The following SLC2A13 variants were observed in gnomAD, a reference collection of about 807,000 sequenced individuals.
SLC2A13 encodes the protein proton myo-inositol cotransporter.
Under a neutral mutation model 64.4 loss-of-function variants are expected in SLC2A13, and 32 were observed. The ratio of observed to expected loss-of-function variants is 0.50; its 90% CI spans 0.37 to 0.67. SLC2A13 has a LOEUF of 0.67. Among genes scored for constraint, SLC2A13 ranks in the 30% least tolerant of loss-of-function variants. The pLI, the probability that SLC2A13 is intolerant of heterozygous loss-of-function variation, is 0.00. For missense variants in SLC2A13, 743 were observed against 829.2 expected, an observed-to-expected ratio of 0.90 and a Z score of 1.28; for synonymous variants, 338 against 327.1, an observed-to-expected ratio of 1.03 and a Z score of -0.36.
At chr12:39,984,319 T>TA (rs541235282) in intron 3 of SLC2A13, among the ~76,000 whole-genome samples, 2,386 of 151,482 alleles carry the variant, frequency 0.016, 59 homozygotes, top group African/African-American at 0.053. Context: ...CCCTAAAACT[T>TA]AAAGTATAAT....
chr12:40,063,314 T>TCTTTCACAAGGAGTGAAAGAAA (rs1362399189), intron 1 of SLC2A13, among the ~76,000 whole-genome samples: 4 of 152,166 alleles, frequency 2.6e-5, no homozygotes, highest in South Asian at 4.1e-4. Context: ...AGGACTACTT[T>TCTTTCACAAGGAGTGAAAGAAA]CTTTCACAAG....
intron 6 of SLC2A13, among the ~76,000 whole-genome samples, chr12:39,838,850 G>T (rs1320883661): frequency 1.3e-5 from 2 of 151,988 alleles, no homozygotes; most frequent in Non-Finnish European, 2.9e-5. Flanking sequence ...CGGTCCATTT[G>T]TTTTTAAGTA....
At chr12:39,965,009 T>C (rs1591956942) in intron 3 of SLC2A13, among the ~76,000 whole-genome samples, 2 of 152,194 alleles carry the variant, frequency 1.3e-5, no homozygotes, top group South Asian at 4.1e-4. Flanking sequence ...TGTCTTATTT[T>C]ACAAATTTTC....
intron 7 of SLC2A13, among the ~76,000 whole-genome samples, chr12:39,768,202 C>G (rs1444596200): frequency 6.6e-6 from 1 of 152,096 alleles, no homozygotes; most frequent in Non-Finnish European, 1.5e-5. Context: ...CCTCTCTCAG[C>G]CTTCATAGAA....
At chr12:39,819,953 CTT>C (rs1942444974) in intron 7 of SLC2A13, 1 of 152,374 alleles carries the variant, frequency 6.6e-6, no homozygotes, top group East Asian at 1.9e-4. Flanking sequence ...AGAAAAAACT[CTT>C]TATCTTTGCA....
At chr12:39,817,288 T>C (rs1333687990) in intron 7 of SLC2A13, among the ~76,000 whole-genome samples, 1 of 152,188 alleles carries the variant, frequency 6.6e-6, no homozygotes, top group Non-Finnish European at 1.5e-5. Context: ...CCATGTGGTG[T>C]GCTAGGGTGG....
intron 7 of SLC2A13, among the ~76,000 whole-genome samples, chr12:39,766,588 C>T (rs1940358716): frequency 6.6e-6 from 1 of 151,900 alleles, no homozygotes; most frequent in Non-Finnish European, 1.5e-5. Context: ...CTGACTTTTC[C>T]CTTCACTAAA....
intron 7 of SLC2A13, among the ~76,000 whole-genome samples, chr12:39,771,403 T>C (rs1357247406): frequency 6.6e-6 from 1 of 152,184 alleles, no homozygotes. Context: ...TGCTGTAGGA[T>C]GCCTATGCTG....
At chr12:39,786,155 C>T (rs1238091111) in intron 7 of SLC2A13, among the ~76,000 whole-genome samples, 2 of 152,072 alleles carry the variant, frequency 1.3e-5, no homozygotes, top group Admixed American at 6.6e-5. Flanking sequence ...TTGTCCCCAC[C>T]CAAATCTCAA....
At chr12:39,833,914 A>G (rs1423567766) in intron 6 of SLC2A13, among the ~76,000 whole-genome samples, 2 of 150,554 alleles carry the variant, frequency 1.3e-5, no homozygotes, top group African/African-American at 2.4e-5. Flanking sequence ...AAAAAAAAAA[A>G]TCTCTGACCT....
At chr12:39,987,182 A>G (rs1225827586) in intron 3 of SLC2A13, among the ~76,000 whole-genome samples, 3 of 152,314 alleles carry the variant, frequency 2.0e-5, no homozygotes, top group East Asian at 3.9e-4. Flanking sequence ...CAAGATTGCC[A>G]TGAATGAAAT....
chr12:39,801,294 A>C (rs1194017160), intron 7 of SLC2A13, among the ~76,000 whole-genome samples: 1 of 148,328 alleles, frequency 6.7e-6, no homozygotes, highest in Non-Finnish European at 1.5e-5. Flanking sequence ...TTTTTATAAT[A>C]GTGTTTCACT....
At chr12:39,928,660 A>T (rs1002417799) in intron 4 of SLC2A13, among the ~76,000 whole-genome samples, 10 of 152,188 alleles carry the variant, frequency 6.6e-5, no homozygotes, top group Non-Finnish European at 1.5e-4. Flanking sequence ...CAGCAGCTTT[A>T]TTTCCTCACA....
intron 7 of SLC2A13, among the ~76,000 whole-genome samples, chr12:39,772,439 A>G (rs1940617014): frequency 6.6e-6 from 1 of 152,162 alleles, no homozygotes; most frequent in African/African-American, 2.4e-5. Flanking sequence ...CCTATTGTCC[A>G]TCATAATACC....
At chr12:40,002,320 C>CAAAAAAAAAAAA (rs1201270445) in intron 3 of SLC2A13, among the ~76,000 whole-genome samples, 60 of 152,226 alleles carry the variant, frequency 3.9e-4, no homozygotes, top group African/African-American at 1.4e-3. Flanking sequence ...TATCCAACAA[C>CAAAAAAAAAAAA]AACATTTAAA....
chr12:40,036,167 G>A (rs1185960700), intron 2 of SLC2A13, among the ~76,000 whole-genome samples: 1 of 152,152 alleles, frequency 6.6e-6, no homozygotes, highest in African/African-American at 2.4e-5. Context: ...CATGATGGGG[G>A]TTTAGGCCCA....
intron 3 of SLC2A13, among the ~76,000 whole-genome samples, chr12:40,024,657 C>G (rs1040969169): frequency 6.6e-6 from 1 of 152,082 alleles, no homozygotes; most frequent in Non-Finnish European, 1.5e-5. Context: ...TGTGCCTTAT[C>G]CAATGAGAAT....
intron 1 of SLC2A13, among the ~76,000 whole-genome samples, chr12:40,099,240 T>C (rs1303642764): frequency 1.3e-5 from 2 of 152,230 alleles, no homozygotes; most frequent in Non-Finnish European, 2.9e-5. Flanking sequence ...ATGGAAGTTT[T>C]GATACTATTA....
intron 4 of SLC2A13, among the ~76,000 whole-genome samples, chr12:39,891,723 G>T (rs1162114174): frequency 1.3e-5 from 2 of 152,114 alleles, no homozygotes; most frequent in African/African-American, 4.8e-5. Context: ...CATGCCTTAG[G>T]TTAGTGACAG....
Sources: allele counts gnomAD v4.1 joint callset (sites outside exome capture counted in the v4.1 genomes callset), GRCh38; gene constraint gnomAD v4.1.1; transcripts MANE v1.5; gene names NCBI Gene and HGNC (gene_info 2026-07-23, HGNC 2026-07-21).